The following TTC39B variants were observed in gnomAD, a reference collection of about 807,000 sequenced individuals.
TTC39B encodes the protein tetratricopeptide repeat protein 39B.
In TTC39B, 92 loss-of-function variants were observed where a neutral mutation model predicts 96.6. The observed-to-expected ratio is 0.95, with a 90% CI of 0.80 to 1.13. TTC39B has a LOEUF of 1.13. TTC39B is among the 50% of genes most tolerant of loss of function. The probability of loss-of-function intolerance (pLI) is 0.00; values close to 1 mark genes in which losing one functional copy is unlikely to be tolerated. For synonymous variants in TTC39B, 367 were observed against 299.4 expected (o/e 1.23, Z -2.33); for missense variants, 955 against 809.3 (o/e 1.18, Z -2.18).
intron 2 of TTC39B, among the ~76,000 whole-genome samples, chr9:15,243,672 G>A (rs900147707): frequency 6.6e-6 from 1 of 152,210 alleles, no homozygotes; most frequent in African/African-American, 2.4e-5. Context: ...TGTTTTGGGA[G>A]GCTGAGGCAG....
chr9:15,279,419 A>G (rs1316582729), intron 1 of TTC39B, among the ~76,000 whole-genome samples: 6 of 152,200 alleles, frequency 3.9e-5, no homozygotes, highest in Non-Finnish European at 8.8e-5. Flanking sequence ...AAATCCTATA[A>G]TGGGGGAGAG....
intron 16 of TTC39B, among the ~76,000 whole-genome samples, chr9:15,184,849 G>A (rs931676288): frequency 2.0e-5 from 3 of 152,128 alleles, no homozygotes; most frequent in African/African-American, 7.2e-5. Flanking sequence ...TGCATATACT[G>A]GGTTAAAATA....
At chr9:15,250,678 A>G (rs1430210172) in intron 2 of TTC39B, among the ~76,000 whole-genome samples, 1 of 152,218 alleles carries the variant, frequency 6.6e-6, no homozygotes, top group Non-Finnish European at 1.5e-5. Flanking sequence ...AGTGGTTTTG[A>G]TGAAACTAGA....
chr9:15,269,437 A>G (rs1267399288), intron 1 of TTC39B, among the ~76,000 whole-genome samples: 1 of 152,236 alleles, frequency 6.6e-6, no homozygotes, highest in African/African-American at 2.4e-5. Context: ...ATTTAGAGTT[A>G]TGCACAGAAA....
At chr9:15,239,216 T>C (rs1821925347) in intron 2 of TTC39B, among the ~76,000 whole-genome samples, 1 of 151,974 alleles carries the variant, frequency 6.6e-6, no homozygotes, top group South Asian at 2.1e-4. Context: ...CACAATGAGA[T>C]ATCATCTTAT....
chr9:15,257,887 C>T (rs981936183), intron 2 of TTC39B, among the ~76,000 whole-genome samples: 3 of 151,886 alleles, frequency 2.0e-5, no homozygotes, highest in African/African-American at 7.2e-5. Flanking sequence ...TGGAGAAACC[C>T]CGTCTCTACT....
chr9:15,297,981 G>C (rs1824442797), intron 1 of TTC39B, among the ~76,000 whole-genome samples: 1 of 152,164 alleles, frequency 6.6e-6, no homozygotes, highest in Admixed American at 6.5e-5. Context: ...GAAGAGACTG[G>C]CATTTGAATC....
chr9:15,212,730 A>G lies in TTC39B; in HGVS notation c.483-1333T>C, dbSNP rs139741878. ...GCGTGAGCCATTTAAACACTGAAAC[A>G]TGTACAAAAATCGGAGACTAACCTG... On this transcript the variant is annotated intron_variant, in intron 4 of 19. Transcript: ENST00000512701. Among the ~76,000 whole-genome samples the G allele has an allele frequency of 1.2e-4, 18 of 152,306 alleles. No homozygotes were observed. In the East Asian group the frequency reaches 3.3e-3, roughly 28 times the overall value.
At chr9:15,214,281 C>G (rs1820376067) in intron 3 of TTC39B, 32 bp from the exon 4 acceptor site, 1 of 1,542,538 alleles carries the variant, frequency 6.5e-7, no homozygotes, top group African/African-American at 1.4e-5. Flanking sequence ...CAGAGAATTT[C>G]TATAGCTTTA....
chr9:15,210,131 G>C, exon 6 of TTC39B: 1 of 1,606,488 alleles, frequency 6.2e-7, no homozygotes. Context: ...GAAGACTTGA[G>C]AAAGATTCTA....
In TTC39B at chr9:15,165,323, G is replaced by C. The variant is rs148473952; in HGVS notation, c.*6696C>G. ...GATCGTGCCATTAAACTCCAGCCTG[G>C]GCAACAAGAGCAAACTCTGTCTCAG... On this transcript the variant is annotated 3_prime_UTR_variant, in exon 20 of 20. Coordinates refer to ENST00000512701, the Ensembl canonical transcript of TTC39B. 164 of 152,068 alleles carry C rather than the reference G, an allele frequency of 1.1e-3. 2 individuals are homozygous for C. Among genetic ancestry groups the C allele is most frequent in the African/African-American group, 3.7e-3 (153 of 41,468 alleles). 9.4% of individuals were successfully genotyped at this position (152,068 alleles called of 1,614,324 possible). A position where few individuals can be genotyped will look rare whatever the true frequency, so the allele number is the denominator to read the frequency against.
At chr9:15,231,721 G>C (rs1821433376) in intron 2 of TTC39B, among the ~76,000 whole-genome samples, 1 of 152,186 alleles carries the variant, frequency 6.6e-6, no homozygotes, top group Non-Finnish European at 1.5e-5. Context: ...AATATGTTAT[G>C]TTCCTGCGCA....
chr9:15,274,084 G>C (rs1228918366), intron 1 of TTC39B, among the ~76,000 whole-genome samples: 1 of 152,138 alleles, frequency 6.6e-6, no homozygotes, highest in Non-Finnish European at 1.5e-5. Flanking sequence ...CACATTCCTA[G>C]TTAAAGGAAT....
At chr9:15,175,044 C>T (rs796720399) in exon 19 of TTC39B, 3 of 1,613,616 alleles carry the variant, frequency 1.9e-6, no homozygotes, top group East Asian at 2.2e-5. Flanking sequence ...AACTTTATGG[C>T]CTTGTCAATT....
chr9:15,177,789 A>G, exon 18 of TTC39B: 1 of 1,610,820 alleles, frequency 6.2e-7, no homozygotes, highest in Non-Finnish European at 8.5e-7. Context: ...CTAAGCACTC[A>G]TCATCCACAG....
At chr9:15,192,956 C>T (rs917895768) in intron 8 of TTC39B, among the ~76,000 whole-genome samples, 1 of 152,180 alleles carries the variant, frequency 6.6e-6, no homozygotes, top group Non-Finnish European at 1.5e-5. Flanking sequence ...CATTGGCAAG[C>T]ACCAGCCAGG....
chr9:15,281,625 C>CAAAAAAAAAA lies in TTC39B; in HGVS notation c.241-13687_241-13678dup, dbSNP rs1161175672. On this transcript the variant is annotated intron_variant, in intron 1 of 19. Transcript: ENST00000512701. ...CCTACCAACATCCCCCCTGCAACAG[C>CAAAAAAAAAA]AAAAAAAAAAAAAAAAAAAAAAAAA... Among the ~76,000 whole-genome samples, 58 of 48,982 alleles carry CAAAAAAAAAA rather than the reference C, an allele frequency of 1.2e-3. 2 individuals are homozygous for CAAAAAAAAAA. The highest frequency in any genetic ancestry group is 5.1e-3 in the African/African-American group (54 of 10,498). The allele number at this position is 48,982 out of a possible 152,430, so 32.1% of individuals were successfully genotyped here.
chr9:15,222,951 T>C (rs1039174862), intron 3 of TTC39B, among the ~76,000 whole-genome samples: 1 of 152,232 alleles, frequency 6.6e-6, no homozygotes, highest in African/African-American at 2.4e-5. Context: ...GAGGAGAAAG[T>C]AAAGTGATGA....
intron 6 of TTC39B, among the ~76,000 whole-genome samples, chr9:15,208,801 C>T (rs1361795235): frequency 6.6e-6 from 1 of 152,120 alleles, no homozygotes; most frequent in Non-Finnish European, 1.5e-5. Context: ...CTCATAATTC[C>T]TCTCCTATAA....
Sources: allele counts gnomAD v4.1 joint callset (sites outside exome capture counted in the v4.1 genomes callset), GRCh38; gene constraint gnomAD v4.1.1; transcripts MANE v1.5; gene names NCBI Gene and HGNC (gene_info 2026-07-23, HGNC 2026-07-21).